Variants in SNX29 observed in about 807,000 individuals in gnomAD.
SNX29 encodes the protein sorting nexin-29.
In SNX29, 78 loss-of-function variants were observed where a neutral mutation model predicts 102.1. That is an observed-to-expected ratio of 0.76 (90% confidence interval 0.64 to 0.92). The LOEUF (loss-of-function observed/expected upper bound fraction) is 0.92. SNX29 is among the 40% of genes least tolerant of loss of function. The pLI, the probability that SNX29 is intolerant of heterozygous loss-of-function variation, is 0.00. For missense variants in SNX29, 1,280 were observed against 1,061.7 expected, an observed-to-expected ratio of 1.21 and a Z score of -2.86; for synonymous variants, 580 against 414.5, an observed-to-expected ratio of 1.40 and a Z score of -4.85.
chr16:12,282,941 G>A (rs2079481978), intron 15 of SNX29, among the ~76,000 whole-genome samples: 1 of 152,208 alleles, frequency 6.6e-6, no homozygotes, highest in African/African-American at 2.4e-5. Context: ...ACAGGCGTGA[G>A]CCACTGCACT....
At chr16:12,269,378 A>G (rs1454569301) in intron 14 of SNX29, among the ~76,000 whole-genome samples, 1 of 152,218 alleles carries the variant, frequency 6.6e-6, no homozygotes, top group Non-Finnish European at 1.5e-5. Flanking sequence ...TCCTGCTTGG[A>G]GGCTCCAGTG....
chr16:12,193,551 A>G (rs2076698382), intron 13 of SNX29, among the ~76,000 whole-genome samples: 1 of 151,942 alleles, frequency 6.6e-6, no homozygotes, highest in Admixed American at 6.5e-5. Context: ...TTTTAGTATT[A>G]TATCTAAGAA....
intron 15 of SNX29, among the ~76,000 whole-genome samples, chr16:12,352,366 T>A (rs1487395606): frequency 7.6e-6 from 1 of 132,428 alleles, no homozygotes; most frequent in East Asian, 2.2e-4. Flanking sequence ...GGGACTGTTG[T>A]GCGGTGGGGG....
At chr16:12,253,187 A>T (rs999857372) in intron 14 of SNX29, among the ~76,000 whole-genome samples, 1 of 152,192 alleles carries the variant, frequency 6.6e-6, no homozygotes, top group African/African-American at 2.4e-5. Context: ...CGAGACAGTC[A>T]TTCGGGCCAT....
intron 19 of SNX29, among the ~76,000 whole-genome samples, chr16:12,501,326 A>AT (rs2089111923): frequency 6.6e-6 from 1 of 152,002 alleles, no homozygotes; most frequent in Non-Finnish European, 1.5e-5. Context: ...ATTGCTTGAG[A>AT]TTAGGAGTTC....
At chr16:12,367,157 T>C (rs973704810) in intron 16 of SNX29, 6 of 152,310 alleles carry the variant, frequency 3.9e-5, no homozygotes, top group Admixed American at 2.0e-4. Context: ...CTTTGTGCTG[T>C]GTTGTTTGCC....
At chr16:12,282,108 A>AAAAC (rs1491128957) in intron 15 of SNX29, among the ~76,000 whole-genome samples, 1 of 147,018 alleles carries the variant, frequency 6.8e-6, no homozygotes, top group Admixed American at 6.8e-5. Flanking sequence ...AAAAAAAAAA[A>AAAAC]TGCAGAGCTG....
Position 12,571,624 on chromosome 16 carries a change from T to A in SNX29, c.*2995T>A. On this transcript the variant is annotated 3_prime_UTR_variant, in exon 21 of 21. Coordinates refer to ENST00000566228, the MANE Select transcript of SNX29 (RefSeq NM_032167.5). ...ACAGCAGGTTCCATCTTTCACATCT[T>A]TTTTTCTCCCCCAGATGAAAGACGA... 9.4e-7 allele frequency: 1 copy of A among 1,058,934 alleles called. No individual in the cohort carries two copies. The highest frequency in any genetic ancestry group is 1.1e-6 in the Non-Finnish European group (1 of 875,328). 65.6% of individuals were successfully genotyped at this position (1,058,934 alleles called of 1,614,324 possible).
chr16:12,152,109 T>C (rs929292573), intron 13 of SNX29, among the ~76,000 whole-genome samples: 7 of 152,058 alleles, frequency 4.6e-5, no homozygotes, highest in Non-Finnish European at 8.8e-5. Context: ...TAGTCACGGC[T>C]ACTTTGGAGG....
intron 14 of SNX29, among the ~76,000 whole-genome samples, chr16:12,257,236 C>T (rs897199532): frequency 6.6e-6 from 1 of 152,188 alleles, no homozygotes; most frequent in Non-Finnish European, 1.5e-5. Flanking sequence ...CCTTTTCATT[C>T]TTGGAATCCG....
chr16:12,440,306 G>A (rs527238452), intron 18 of SNX29, among the ~76,000 whole-genome samples: 15 of 152,098 alleles, frequency 9.9e-5, no homozygotes, highest in African/African-American at 7.2e-5. Flanking sequence ...ACAAGATTAC[G>A]CAACCATCAC....
At chr16:12,412,809 A>G (rs1180437121) in intron 18 of SNX29, among the ~76,000 whole-genome samples, 2 of 152,228 alleles carry the variant, frequency 1.3e-5, no homozygotes, top group African/African-American at 4.8e-5. Context: ...CTGAATTTTT[A>G]TATTTACTTT....
intron 1 of SNX29, among the ~76,000 whole-genome samples, chr16:11,979,695 T>G (rs1346979947): frequency 6.6e-6 from 1 of 152,208 alleles, no homozygotes. Flanking sequence ...GCAATTCTTC[T>G]GCCTCAGGCT....
chr16:12,501,724 CAAAAAAAAAAAA>C (rs59431064), intron 19 of SNX29, among the ~76,000 whole-genome samples: 6 of 44,920 alleles, frequency 1.3e-4, no homozygotes, highest in Non-Finnish European at 2.3e-4. Context: ...GACACTGTCT[CAAAAAAAAAAAA>C]AAAAAAAAAA....
chr16:12,201,493 C>T (rs1157428609), intron 14 of SNX29, among the ~76,000 whole-genome samples: 2 of 152,170 alleles, frequency 1.3e-5, no homozygotes, highest in Non-Finnish European at 2.9e-5. Context: ...CTTAGGAGAG[C>T]TTAAGGGGCT....
chr16:12,392,825 AAACT>A (rs1490895553), intron 16 of SNX29, among the ~76,000 whole-genome samples: 2 of 152,168 alleles, frequency 1.3e-5, no homozygotes, highest in Non-Finnish European at 2.9e-5. Flanking sequence ...GCAAATGAAA[AAACT>A]AACAGAGAAC....
intron 14 of SNX29, among the ~76,000 whole-genome samples, chr16:12,264,401 A>G (rs1027889310): frequency 1.3e-5 from 2 of 152,244 alleles, no homozygotes; most frequent in Admixed American, 6.5e-5. Flanking sequence ...AGGCCTTACA[A>G]ACAACAGTTT....
intron 20 of SNX29, among the ~76,000 whole-genome samples, chr16:12,556,841 A>G (rs1293626641): frequency 6.6e-6 from 1 of 151,966 alleles, no homozygotes; most frequent in East Asian, 1.9e-4. Flanking sequence ...CAGAAGTTTG[A>G]TGGTGGAAAA....
chr16:12,252,542 T>A (rs1225915137), intron 14 of SNX29, among the ~76,000 whole-genome samples: 2 of 152,234 alleles, frequency 1.3e-5, no homozygotes, highest in Non-Finnish European at 2.9e-5. Context: ...GCTGAAATCA[T>A]CATCATCACC....
Sources: allele counts gnomAD v4.1 joint callset (sites outside exome capture counted in the v4.1 genomes callset), GRCh38; gene constraint gnomAD v4.1.1; transcripts MANE v1.5; gene names NCBI Gene and HGNC (gene_info 2026-07-23, HGNC 2026-07-21).